FAT4: variants seen among roughly 807,000 people sequenced by gnomAD.
The protein encoded by FAT4 is protocadherin Fat 4.
FAT4 carries 84 observed loss-of-function variants against 303.9 expected under a neutral mutation model. The ratio of observed to expected loss-of-function variants is 0.28; its 90% CI spans 0.23 to 0.33. The LOEUF is 0.33. Among genes scored for constraint, FAT4 ranks in the 10% least tolerant of loss-of-function variants. FAT4 has a pLI of 1.00. For missense variants in FAT4, 6,005 were observed against 6,146.8 expected (o/e 0.98, Z 0.77); for synonymous variants, 2,307 against 2,298.8 (o/e 1.00, Z -0.10).
At position 125,491,445 on chromosome 4, in the gene FAT4, G is replaced by T; in HGVS notation, c.14629G>T (p.Glu4877Ter). ...AATGCCCAAATTATCTCAAGTCAATGAATCTGATGCAGATGATGAAGATAA... is the reference window on the plus strand; with the variant it reads ...AATGCCCAAATTATCTCAAGTCAATTAATCTGATGCAGATGATGAAGATAA... ...SRMPKLSQVNESDADDEDNYG... is the reference protein window; with the variant it reads ...SRMPKLSQVN Residue 4877 changes from glutamate (E) to a stop codon, truncating the protein, a stop_gained, in exon 18 of 18, where the codon GAA becomes TAA. Transcript: ENST00000394329. LOFTEE classifies it high-confidence loss of function. 1.9e-6 allele frequency: 3 copies of T among 1,614,170 alleles called. No homozygotes were observed. Among genetic ancestry groups the T allele is most frequent in the Non-Finnish European group, 2.5e-6 (3 of 1,180,024 alleles).
intron 8 of FAT4, 112 bp from the exon 9 acceptor site, chr4:125,446,181 A>T: frequency 2.3e-6 from 2 of 877,722 alleles, no homozygotes; most frequent in East Asian, 2.6e-5. Flanking sequence ...TTGTTGTATG[A>T]TCTTTCTTGT....
intron 2 of FAT4, among the ~76,000 whole-genome samples, chr4:125,358,826 G>C (rs896827362): frequency 1.3e-5 from 2 of 152,062 alleles, no homozygotes; most frequent in Admixed American, 1.3e-4. Context: ...GTGGGGTTAT[G>C]GGTTTGAGGA....
chr4:125,359,221 A>C (rs2125983703), intron 2 of FAT4, among the ~76,000 whole-genome samples: 1 of 152,282 alleles, frequency 6.6e-6, no homozygotes, highest in East Asian at 1.9e-4. Flanking sequence ...TAATGAGAAA[A>C]GTGAGTCATA....
intron 8 of FAT4, 75 bp from the exon 9 acceptor site, chr4:125,446,218 T>A (rs1027180750): frequency 4.5e-6 from 6 of 1,321,562 alleles, no homozygotes; most frequent in Non-Finnish European, 6.2e-6. Context: ...TCTACCTCAG[T>A]TTTTTAATTA....
intron 2 of FAT4, among the ~76,000 whole-genome samples, chr4:125,372,067 C>T (rs1355853156): frequency 6.6e-6 from 1 of 151,954 alleles, no homozygotes; most frequent in Non-Finnish European, 1.5e-5. Flanking sequence ...TGAATCAAGG[C>T]TGGGCATAGT....
At chr4:125,324,763 CT>C (rs1462602985) in intron 2 of FAT4, among the ~76,000 whole-genome samples, 4 of 152,118 alleles carry the variant, frequency 2.6e-5, no homozygotes, top group African/African-American at 9.7e-5. Context: ...AAGGACACCC[CT>C]GGAGACTTTG....
chr4:125,394,536 A>G (rs1435372007), intron 2 of FAT4, among the ~76,000 whole-genome samples: 1 of 152,194 alleles, frequency 6.6e-6, no homozygotes, highest in Non-Finnish European at 1.5e-5. Flanking sequence ...CACTAATAAC[A>G]ACTGTCTTCA....
rs752029128 is a variant in FAT4 at position 125,320,521 on chromosome 4, G to A, written c.4110G>A (p.Gly1370=). The change falls in exon 2 of 18, where the codon GGG becomes GGA. Residue 1370 remains glycine (G), a synonymous_variant. Coordinates refer to ENST00000394329, the MANE Select transcript of FAT4 (RefSeq NM_001291303.3). Reference sequence around the variant, plus strand: ...CTTTTAGCATTAGCCCAAACACTGGGAGTATTTTTCTTGCCAAAAAACTGG... The same window carrying A: ...CTTTTAGCATTAGCCCAAACACTGGAAGTATTTTTCTTGCCAAAAAACTGG... The part of the protein sequence containing the change: ...HGTFSISPNT[G]SIFLAKKLDF... 91 of 1,613,830 alleles carry A rather than the reference G, an allele frequency of 5.6e-5. No homozygotes were observed. Among genetic ancestry groups the A allele is most frequent in the Non-Finnish European group, 7.6e-5 (90 of 1,179,912 alleles).
At chr4:125,453,507 G>C (rs1301395647) in intron 10 of FAT4, among the ~76,000 whole-genome samples, 1 of 152,030 alleles carries the variant, frequency 6.6e-6, no homozygotes, top group African/African-American at 2.4e-5. Flanking sequence ...GAGAGATCGA[G>C]ACCATCCTGG....
At chr4:125,337,655 G>A (rs1433749550) in intron 2 of FAT4, among the ~76,000 whole-genome samples, 2 of 151,990 alleles carry the variant, frequency 1.3e-5, no homozygotes, top group Non-Finnish European at 2.9e-5. Flanking sequence ...AAACACTTAT[G>A]TAAACACAGC....
chr4:125,453,969 G>C (rs1726190598), intron 10 of FAT4, among the ~76,000 whole-genome samples: 1 of 152,234 alleles, frequency 6.6e-6, no homozygotes. Flanking sequence ...TTAATCAGTG[G>C]TTGATGTTCC....
At chr4:125,330,733 C>T (rs182071118) in intron 2 of FAT4, among the ~76,000 whole-genome samples, 3 of 152,272 alleles carry the variant, frequency 2.0e-5, no homozygotes, top group African/African-American at 7.2e-5. Context: ...GGCATCTCAG[C>T]CTTTGTCCTT....
chr4:125,466,377 T>G (rs1726661848), intron 11 of FAT4, among the ~76,000 whole-genome samples: 1 of 151,972 alleles, frequency 6.6e-6, no homozygotes, highest in Admixed American at 6.6e-5. Flanking sequence ...TTCAGCACAT[T>G]GTTATAGATT....
At position 125,317,268 on chromosome 4, in the gene FAT4, G is replaced by T. The variant is rs1270254116; in HGVS notation, c.857G>T (p.Arg286Leu). 2 of 1,581,596 alleles carry T rather than the reference G, an allele frequency of 1.3e-6. No individual in the cohort carries two copies. The highest frequency in any genetic ancestry group is 1.7e-5 in the Admixed American group (1 of 57,886). ...DADEGTNADI[R>L]YRLQDEGTPF... ...GACGAGGGCACCAACGCGGACATCC[G>T]CTATCGCCTGCAGGACGAGGGGACC... Residue 286 changes from arginine (R) to leucine (L), a missense_variant, in exon 2 of 18, where the codon CGC becomes CTC. By Grantham distance (102) the Arg-to-Leu change is moderately radical (BLOSUM62 -2). Coordinates refer to ENST00000394329, the MANE Select transcript of FAT4 (RefSeq NM_001291303.3). The surrounding 1 kb of genome is among the most constrained non-coding windows in gnomAD (Gnocchi z 7.0).
intron 10 of FAT4, among the ~76,000 whole-genome samples, chr4:125,462,319 A>C (rs766749304): frequency 2.0e-5 from 3 of 151,988 alleles, no homozygotes; most frequent in Non-Finnish European, 4.4e-5. Flanking sequence ...CTCGTTGTGC[A>C]TATAGAATGC....
intron 11 of FAT4, among the ~76,000 whole-genome samples, chr4:125,465,381 A>G (rs1044838397): frequency 6.6e-6 from 1 of 152,162 alleles, no homozygotes; most frequent in African/African-American, 2.4e-5. Flanking sequence ...TGCTTTCTAC[A>G]GATAACCACA....
chr4:125,407,207 T>A, intron 4 of FAT4, 66 bp downstream of exon 4: 1 of 1,410,380 alleles, frequency 7.1e-7, no homozygotes, highest in Non-Finnish European at 9.8e-7. Flanking sequence ...ACATACTATG[T>A]TTCGGCTGCT....
At chr4:125,410,964 T>G (rs1217782009) in intron 5 of FAT4, among the ~76,000 whole-genome samples, 1 of 152,116 alleles carries the variant, frequency 6.6e-6, no homozygotes, top group East Asian at 1.9e-4. Flanking sequence ...TCTTTCTGAA[T>G]TTCAAGGACA....
intron 10 of FAT4, among the ~76,000 whole-genome samples, chr4:125,453,616 G>C (rs1248791141): frequency 6.6e-6 from 1 of 151,666 alleles, no homozygotes; most frequent in Non-Finnish European, 1.5e-5. Context: ...TGAGGCAGAA[G>C]AATCACTTAA....
Sources: allele counts gnomAD v4.1 joint callset (sites outside exome capture counted in the v4.1 genomes callset), GRCh38; gene constraint gnomAD v4.1.1; non-coding constraint Gnocchi (gnomAD v3.1); transcripts MANE v1.5; gene names NCBI Gene and HGNC (gene_info 2026-07-23, HGNC 2026-07-21).